Variants in GRIN2C observed in about 807,000 individuals in gnomAD.
GRIN2C encodes the protein glutamate ionotropic receptor NMDA type subunit 2C.
Under a neutral mutation model 77.7 loss-of-function variants are expected in GRIN2C, and 64 were observed. The observed-to-expected ratio is 0.82, with a 90% CI of 0.67 to 1.01. The LOEUF is 1.01. GRIN2C is among the 50% of genes least tolerant of loss of function. The pLI, the probability that GRIN2C is intolerant of heterozygous loss-of-function variation, is 0.00. For missense variants in GRIN2C, 1,549 were observed against 1,486.0 expected (o/e 1.04, Z -0.70); for synonymous variants, 792 against 643.4 (o/e 1.23, Z -3.49).
At chr17:74,856,343 G>A (rs1474129189) in intron 1 of GRIN2C, among the ~76,000 whole-genome samples, 3 of 152,180 alleles carry the variant, frequency 2.0e-5, no homozygotes, top group Admixed American at 1.3e-4. Flanking sequence ...AAATGCTCAC[G>A]AAAATCAAGC....
chr17:74,846,172 A>C lies in GRIN2C; in HGVS notation c.2244T>G (p.Ile748Met), dbSNP rs774565632. ...TGGTAGCAAAGACCTTGCCAGACCC[A>C]ATGGTGACCAGCTTGCAGCCCTCGT... ...GKDEGCKLVTIGSGKVFATTG... is the reference protein window; with the variant it reads ...GKDEGCKLVTMGSGKVFATTG... The change falls in exon 11 of 13, where the codon ATT becomes ATG. Residue 748 changes from isoleucine (I) to methionine (M), a missense_variant. Transcript: ENST00000293190. The surrounding 1 kb of genome is among the most constrained non-coding windows in gnomAD (Gnocchi z 4.4). 1.2e-6 allele frequency: 2 copies of C among 1,614,156 alleles called. No individual in the cohort carries two copies. Among genetic ancestry groups the C allele is most frequent in the South Asian group, 2.2e-5 (2 of 91,076 alleles).
Position 74,842,978 on chromosome 17 carries a change from C to G in GRIN2C, c.3159G>C (p.Pro1053=), listed in dbSNP as rs1223229343. The G allele has an allele frequency of 6.1e-6, 3 of 493,558 alleles. No individual in the cohort carries two copies. The highest frequency in any genetic ancestry group is 1.0e-5 in the Non-Finnish European group (3 of 288,870). The allele number at this position is 493,558 out of a possible 1,614,324, so 30.6% of individuals were successfully genotyped here. The change falls in exon 13 of 13, where the codon CCG becomes CCC. Residue 1053 remains proline (P), a synonymous_variant. Transcript: ENST00000293190. ...LPLFPELEDL[P]LLGPEQLARR... ...GGGCCAGCTGCTCCGGACCGAGCAG[C>G]GGCAGGTCCTCCAGCTCCGGGAAGA... is the stretch of plus-strand genomic sequence containing the variant.
Position 74,842,108 on chromosome 17 carries a change from T to G in GRIN2C, c.*327A>C, listed in dbSNP as rs1451967343. 1 of 328,756 alleles carries G rather than the reference T, an allele frequency of 3.0e-6. No individual in the cohort carries two copies. Among genetic ancestry groups the G allele is most frequent in the East Asian group, 7.7e-5 (1 of 12,986 alleles). The allele number at this position is 328,756 out of a possible 1,614,324, so 20.4% of individuals were successfully genotyped here. A position where few individuals can be genotyped will look rare whatever the true frequency, so the allele number is the denominator to read the frequency against. ...GAGCAAGGATCGGGATGGCCCTGCC[T>G]CAACCACAAGTTCCAGCCTCCATGC... On this transcript the variant is annotated 3_prime_UTR_variant, in exon 13 of 13. Transcript: ENST00000293190.
rs541813596 is a variant in GRIN2C, at chr17:74,850,386, C to T, written c.1326-15G>A. ...CGTCCCCGCTGCTGCAGCCATGCCGCCATGAGACCACCGGGAGTCAGAGTA... is the reference window on the plus strand; with the variant it reads ...CGTCCCCGCTGCTGCAGCCATGCCGTCATGAGACCACCGGGAGTCAGAGTA... On this transcript the variant is annotated splice_polypyrimidine_tract_variant and intron_variant, in intron 5 of 12. Transcript: ENST00000293190. This position sits in a 1 kb window ranked among gnomAD's most constrained non-coding sequence, Gnocchi z 5.3. 1 of 1,606,788 alleles carries T rather than the reference C, an allele frequency of 6.2e-7. No individual in the cohort carries two copies. The highest frequency in any genetic ancestry group is 1.1e-5 in the South Asian group (1 of 91,080).
rs1375328752 is a variant in GRIN2C at position 74,846,915 on chromosome 17, C to T, written c.2007G>A (p.Gln669=). 6.2e-7 allele frequency: 1 copy of T among 1,606,666 alleles called. No individual in the cohort carries two copies. The highest frequency in any genetic ancestry group is 1.1e-5 in the South Asian group (1 of 90,784). The change falls in exon 10 of 13, where the codon CAG becomes CAA. Residue 669 remains glutamine, a synonymous_variant. Transcript: ENST00000293190. The surrounding 1 kb of genome is among the most constrained non-coding windows in gnomAD (Gnocchi z 4.4). The part of the protein sequence containing the change: ...TVSGLSDKKF[Q]RPQDQYPPFR... ...AAGGTGGGTACTGATCTTGAGGCCG[C>T]TGAAACTGCAGGCGGAGGGCAGCAG...
At position 74,854,921 on chromosome 17, in the gene GRIN2C, G is replaced by T. The variant is rs762842488; in HGVS notation, c.172C>A (p.Leu58Ile). ...ARLTPQSFLD[L>I]PLEIQPLTVG... The stretch of plus-strand genomic sequence containing the variant: ...GTGAGCGGCTGGATCTCCAGGGGTA[G>T]GTCCAGGAAGCTCTGGGGGGTGAGG... Residue 58 changes from leucine to isoleucine, a missense_variant, in exon 2 of 13, where the codon CTA (leucine) becomes ATA (isoleucine). Transcript: ENST00000293190. The T allele has an allele frequency of 6.2e-7, 1 of 1,613,580 alleles. No homozygotes were observed. The highest frequency in any genetic ancestry group is 2.2e-5 in the East Asian group (1 of 44,868).
chr17:74,847,632 G>T lies in GRIN2C; in HGVS notation c.1772-95C>A. The T allele has an allele frequency of 9.8e-7, 1 of 1,022,126 alleles. No homozygotes were observed. The highest frequency in any genetic ancestry group is 1.5e-6 in the Non-Finnish European group (1 of 682,104). 63.3% of individuals were successfully genotyped at this position (1,022,126 alleles called of 1,614,324 possible). Reference sequence around the variant, plus strand: ...ACCCGACTGCACAGCTCCGGTCTCAGCCTGGCCTTGGGGGGGACGCGTCCT... The same window carrying T: ...ACCCGACTGCACAGCTCCGGTCTCATCCTGGCCTTGGGGGGGACGCGTCCT... On this transcript the variant is annotated intron_variant, in intron 8 of 12. Coordinates refer to ENST00000293190, the MANE Select transcript of GRIN2C (RefSeq NM_000835.6). The surrounding 1 kb of genome is among the most constrained non-coding windows in gnomAD (Gnocchi z 5.2).
intron 2 of GRIN2C, chr17:74,853,944 A>C (rs1027440234): frequency 2.0e-5 from 3 of 152,150 alleles, no homozygotes; most frequent in Admixed American, 2.0e-4. Flanking sequence ...GAAAAGCCCA[A>C]ATGTCTTCCC....
chr17:74,842,251 C>T lies in GRIN2C; in HGVS notation c.*184G>A, dbSNP rs538612031. 51 of 559,310 alleles carry T rather than the reference C, an allele frequency of 9.1e-5. No individual in the cohort carries two copies. In the African/African-American group the frequency reaches 9.4e-4, roughly 10 times the overall value. 34.6% of individuals were successfully genotyped at this position (559,310 alleles called of 1,614,324 possible). A position where few individuals can be genotyped will look rare whatever the true frequency, so the allele number is the denominator to read the frequency against. On this transcript the variant is annotated 3_prime_UTR_variant, in exon 13 of 13. Transcript: ENST00000293190. ...GCGTGAGAAGAGGACAGCAAAAGCCCAGCCCTCACCATGATTTGAGGCTAC... is the reference window on the plus strand; with the variant it reads ...GCGTGAGAAGAGGACAGCAAAAGCCTAGCCCTCACCATGATTTGAGGCTAC...
Position 74,847,806 on chromosome 17 carries a change from A to C in GRIN2C, c.1771+46T>G, listed in dbSNP as rs757043507. On this transcript the variant is annotated intron_variant, in intron 8 of 12. Coordinates refer to ENST00000293190, the MANE Select transcript of GRIN2C (RefSeq NM_000835.6). The surrounding 1 kb of genome is among the most constrained non-coding windows in gnomAD (Gnocchi z 5.2). ...CCCGTTGCCCCTGAGCCCAGCCCTCAGGGTGCCCAGGCCCACCCCTCCTGC... is the reference window on the plus strand; with the variant it reads ...CCCGTTGCCCCTGAGCCCAGCCCTCCGGGTGCCCAGGCCCACCCCTCCTGC... 1.9e-6 allele frequency: 3 copies of C among 1,607,418 alleles called. No individual in the cohort carries two copies. The Admixed American group carries it at 5.0e-5, about 27-fold the overall frequency.
At chr17:74,856,501 CAG>C (rs1405491095) in intron 1 of GRIN2C, among the ~76,000 whole-genome samples, 13 of 121,170 alleles carry the variant, frequency 1.1e-4, no homozygotes, top group African/African-American at 4.3e-4. Flanking sequence ...TTTTTTGAGA[CAG>C]AGTCTTGCTC....
intron 7 of GRIN2C, 128 bp from the exon 8 acceptor site, chr17:74,848,105 A>AG: frequency 2.1e-6 from 2 of 966,746 alleles, no homozygotes; most frequent in Non-Finnish European, 3.1e-6. Flanking sequence ...GACCCAGCCA[A>AG]GGGGGCCTCT....
intron 7 of GRIN2C, among the ~76,000 whole-genome samples, chr17:74,848,722 A>G (rs2037537866): frequency 6.6e-6 from 1 of 151,858 alleles, no homozygotes; most frequent in African/African-American, 2.4e-5. Flanking sequence ...AAGAAAAGAA[A>G]TCACTACTAT....
chr17:74,847,652 C>T lies in GRIN2C; in HGVS notation c.1772-115G>A, dbSNP rs1157290709. The T allele has an allele frequency of 7.8e-6, 7 of 900,488 alleles. No homozygotes were observed. The highest frequency in any genetic ancestry group is 2.2e-5 in the Admixed American group (1 of 46,370). 55.8% of individuals were successfully genotyped at this position (900,488 alleles called of 1,614,324 possible). On this transcript the variant is annotated intron_variant, in intron 8 of 12. Coordinates refer to ENST00000293190, the MANE Select transcript of GRIN2C (RefSeq NM_000835.6). The surrounding 1 kb of genome is among the most constrained non-coding windows in gnomAD (Gnocchi z 5.2). ...TCTCAGCCTGGCCTTGGGGGGGACG[C>T]GTCCTGGCCATTCCCTCGCCAGGTG...
chr17:74,855,107 C>T lies in GRIN2C; in HGVS notation c.-15G>A. 1 of 1,558,366 alleles carries T rather than the reference C, an allele frequency of 6.4e-7. No individual in the cohort carries two copies. The highest frequency in any genetic ancestry group is 2.2e-5 in the East Asian group (1 of 44,476). ...GCCCCACCCATGTCCACCGGAGGGT[C>T]CTGCGGAGAGACCAGAACAAGCACA... On this transcript the variant is annotated splice_region_variant and 5_prime_UTR_variant, in exon 2 of 13. Transcript: ENST00000293190.
chr17:74,851,491 G>A lies in GRIN2C; in HGVS notation c.1113+86C>T, dbSNP rs1479310446. ...ATGAGGGGTTGGATAAGGGACAGAG[G>A]GACTCTCTGCTCAGCTGTGGGCACA... On this transcript the variant is annotated intron_variant, in intron 4 of 12. Coordinates refer to ENST00000293190, the MANE Select transcript of GRIN2C (RefSeq NM_000835.6). 6 of 737,538 alleles carry A rather than the reference G, an allele frequency of 8.1e-6. No homozygotes were observed. The East Asian group carries it at 8.2e-5, about 10-fold the overall frequency. The allele number at this position is 737,538 out of a possible 1,614,324, so 45.7% of individuals were successfully genotyped here.
chr17:74,845,035 G>A (rs929736428), intron 11 of GRIN2C, among the ~76,000 whole-genome samples: 5 of 151,700 alleles, frequency 3.3e-5, no homozygotes, highest in East Asian at 2.0e-4. Context: ...AGGTTCAAGC[G>A]ATCCTTCCAC....
chr17:74,850,815 C>A lies in GRIN2C; in HGVS notation c.1114-48G>T. On this transcript the variant is annotated intron_variant, in intron 4 of 12. Transcript: ENST00000293190. The surrounding 1 kb of genome is among the most constrained non-coding windows in gnomAD (Gnocchi z 5.3). ...CCTGGGGCCTCCAGCCCTACAGCCC[C>A]CACCCTCTAGGTGGAGCCTGCCAGG... 1 of 1,491,974 alleles carries A rather than the reference C, an allele frequency of 6.7e-7. No individual in the cohort carries two copies. The allele number at this position is 1,491,974 out of a possible 1,614,324, so 92.4% of individuals were successfully genotyped here. A position where few individuals can be genotyped will look rare whatever the true frequency, so the allele number is the denominator to read the frequency against.
chr17:74,855,230 C>T lies in GRIN2C; in HGVS notation c.-15-123G>A, dbSNP rs1040761280. ...TGAAAGAGAAGAGGGGAAAACCTCC[C>T]TCCCCGAAGAGAGGCGGAGAGAGAG... On this transcript the variant is annotated intron_variant, in intron 1 of 12. Coordinates refer to ENST00000293190, the MANE Select transcript of GRIN2C (RefSeq NM_000835.6). 9 of 736,488 alleles carry T rather than the reference C, an allele frequency of 1.2e-5. No homozygotes were observed. In the African/African-American group the frequency reaches 1.6e-4, roughly 13 times the overall value. 45.6% of individuals were successfully genotyped at this position (736,488 alleles called of 1,614,324 possible).
Sources: allele counts gnomAD v4.1 joint callset (sites outside exome capture counted in the v4.1 genomes callset), GRCh38; gene constraint gnomAD v4.1.1; non-coding constraint Gnocchi (gnomAD v3.1); transcripts MANE v1.5; gene names NCBI Gene and HGNC (gene_info 2026-07-23, HGNC 2026-07-21).